FLG: variants seen among roughly 807,000 people sequenced by gnomAD.
The protein encoded by FLG is epidermal filaggrin.
Under a neutral mutation model 3.8 loss-of-function variants are expected in FLG, and 6 were observed. The ratio of observed to expected loss-of-function variants is 1.60; its 90% CI spans 0.87 to 3.15. The LOEUF is 3.15. Among genes scored for constraint, FLG ranks in the 30% most tolerant of loss-of-function variants. The probability of loss-of-function intolerance (pLI) is 0.00; values close to 1 mark genes in which losing one functional copy is unlikely to be tolerated. For synonymous variants in FLG, 2,551 were observed against 1,931.6 expected (o/e 1.32, Z -8.41); for missense variants, 7,595 against 5,050.9 (o/e 1.50, Z -15.27).
In FLG at chr1:152,308,368, G is replaced by C. The variant is rs774282260; in HGVS notation, c.6518C>G (p.Ser2173Cys). 21 of 1,613,648 alleles carry C rather than the reference G, an allele frequency of 1.3e-5. No individual in the cohort carries two copies. In the South Asian group the frequency reaches 2.1e-4, roughly 16 times the overall value. ...HSGSHHSHTT[S>C]QGRSDASRGQ... ...ACGGGAGGCATCAGACCTTCCCTGG[G>C]ATGTGGTGTGGCTGTGATGAGACCC... is the stretch of plus-strand genomic sequence containing the variant. The change falls in exon 3 of 3, where the codon TCC becomes TGC. Residue 2173 changes from serine to cysteine, a missense_variant. By Grantham distance (112) the Ser-to-Cys change is moderately radical. Coordinates refer to ENST00000368799, the MANE Select transcript of FLG (RefSeq NM_002016.2).
Position 152,305,161 on chromosome 1 carries a change from G to C in FLG, c.9725C>G (p.Ser3242Cys), listed in dbSNP as rs1301396969. 2 of 1,613,876 alleles carry C rather than the reference G, an allele frequency of 1.2e-6. No homozygotes were observed. Among genetic ancestry groups the C allele is most frequent in the Non-Finnish European group, 1.7e-6 (2 of 1,179,970 alleles). The part of the protein sequence containing the change: ...SGSASRNHRG[S>C]VQEQSRHGSR... The stretch of plus-strand genomic sequence containing the variant: ...GCCGTGCCTTGACTGCTCCTGAACA[G>C]ATCCACGATGGTTTCTGGAAGCAGA... The change falls in exon 3 of 3, where the codon TCT (serine) becomes TGT (cysteine). Residue 3242 changes from serine (S) to cysteine (C), a missense_variant. Coordinates refer to ENST00000368799, the MANE Select transcript of FLG (RefSeq NM_002016.2).
chr1:152,317,142 C>G (rs1407268393), intron 1 of FLG, among the ~76,000 whole-genome samples: 1 of 151,984 alleles, frequency 6.6e-6, no homozygotes, highest in Non-Finnish European at 1.5e-5. Flanking sequence ...TTGCAGTTGC[C>G]TACTTTCTCA....
In FLG at chr1:152,309,685, A is replaced by T. The variant is rs775249105; in HGVS notation, c.5201T>A (p.Val1734Glu). Reference sequence around the variant, plus strand: ...GGGCCCAGCCTGTCCGTGGGCTGACACTGACTGTGTGTCTGACTCTTCTGA... The same window carrying T: ...GGGCCCAGCCTGTCCGTGGGCTGACTCTGACTGTGTGTCTGACTCTTCTGA... Reference protein sequence around the residue: ...GHSEESDTQSVSAHGQAGPHQ... With the variant: ...GHSEESDTQSESAHGQAGPHQ... Residue 1734 changes from valine to glutamate, a missense_variant, in exon 3 of 3, where the codon GTG becomes GAG. Coordinates refer to ENST00000368799, the MANE Select transcript of FLG (RefSeq NM_002016.2). 6.2e-7 allele frequency: 1 copy of T among 1,613,484 alleles called. No homozygotes were observed. The highest frequency in any genetic ancestry group is 8.5e-7 in the Non-Finnish European group (1 of 1,179,860).
chr1:152,308,218 G>A lies in FLG; in HGVS notation c.6668C>T (p.Ser2223Leu). Residue 2223 changes from serine (S) to leucine (L), a missense_variant, in exon 3 of 3, where the codon TCA (serine) becomes TTA (leucine). Physicochemically the swap from Ser to Leu is moderately radical, Grantham distance 145. Transcript: ENST00000368799. ...TGATGATTGTCCCTGGCCCACCAGT[G>A]AGTGTCTAGAGCTGTCGGCCCAAGA... is the stretch of plus-strand genomic sequence containing the variant. The part of the protein sequence containing the change: ...ASSWADSSRH[S>L]LVGQGQSSGP... 1 of 1,614,048 alleles carries A rather than the reference G, an allele frequency of 6.2e-7. No homozygotes were observed. The highest frequency in any genetic ancestry group is 1.1e-5 in the South Asian group (1 of 91,076).
In FLG at chr1:152,308,865, G is replaced by T; in HGVS notation, c.6021C>A (p.Ser2007=). 6.2e-7 allele frequency: 1 copy of T among 1,614,138 alleles called. No homozygotes were observed. Among genetic ancestry groups the T allele is most frequent in the Non-Finnish European group, 8.5e-7 (1 of 1,180,010 alleles). Residue 2007 remains serine (S), a synonymous_variant, in exon 3 of 3, where the codon TCC becomes TCA. Coordinates refer to ENST00000368799, the MANE Select transcript of FLG (RefSeq NM_002016.2). ...TGTCTGCTGACTGGAGCTGGTGGTGGGATCCATGTCTTTCTCCTGCACTTG... is the reference window on the plus strand; with the variant it reads ...TGTCTGCTGACTGGAGCTGGTGGTGTGATCCATGTCTTTCTCCTGCACTTG... ...ARSSAGERHG[S]HHQLQSADSS...
chr1:152,304,209 A>G lies in FLG; in HGVS notation c.10677T>C (p.Ala3559=). The change falls in exon 3 of 3, where the codon GCT becomes GCC. Residue 3559 remains alanine, a synonymous_variant. Transcript: ENST00000368799. ...GAGCAGATCCACGATGGTTTCTGGAAGCAGACCCAGACCACCTCTCAGAGT... is the reference window on the plus strand; with the variant it reads ...GAGCAGATCCACGATGGTTTCTGGAGGCAGACCCAGACCACCTCTCAGAGT... ...SEDSERWSGS[A]SRNHRGSAQE... 1.2e-6 allele frequency: 2 copies of G among 1,611,858 alleles called. No homozygotes were observed. Among genetic ancestry groups the G allele is most frequent in the East Asian group, 2.2e-5 (1 of 44,510 alleles).
At position 152,305,825 on chromosome 1, in the gene FLG, C is replaced by T. The variant is rs1651921400; in HGVS notation, c.9061G>A (p.Gly3021Arg). 2 of 1,048,966 alleles carry T rather than the reference C, an allele frequency of 1.9e-6. No homozygotes were observed. Among genetic ancestry groups the T allele is most frequent in the Non-Finnish European group, 1.3e-6 (1 of 756,180 alleles). 65.0% of individuals were successfully genotyped at this position (1,048,966 alleles called of 1,614,324 possible). The change falls in exon 3 of 3, where the codon GGA becomes AGA. Residue 3021 changes from glycine to arginine, a missense_variant. Transcript: ENST00000368799. ...YSGSQASDNE[G>R]HSEDSDTQSV... ...TGTGTGTCTGAGTCTTCTGAATGTC[C>T]CTCATTGTCACTGGCCTGACTACCA... is the stretch of plus-strand genomic sequence containing the variant.
Position 152,310,352 on chromosome 1 carries a change from A to T in FLG, c.4534T>A (p.Ser1512Thr). The change falls in exon 3 of 3, where the codon TCT becomes ACT. Residue 1512 changes from serine to threonine, a missense_variant. Coordinates refer to ENST00000368799, the MANE Select transcript of FLG (RefSeq NM_002016.2). ...CTGTGATGGTACCCTGAGTGTCCAG[A>T]CCTATCTACTGATTGCTCGTGGTAG... ...GSYHEQSVDR[S>T]GHSGYHHSHT... 1 of 1,613,536 alleles carries T rather than the reference A, an allele frequency of 6.2e-7. No individual in the cohort carries two copies. Among genetic ancestry groups the T allele is most frequent in the Non-Finnish European group, 8.5e-7 (1 of 1,179,924 alleles).
Position 152,313,605 on chromosome 1 carries a change from T to G in FLG, c.1281A>C (p.Gly427=). The part of the protein sequence containing the change: ...SSGSQASDSE[G]HSENSDTQSV... ...ATTGTGTGTCTGAGTTTTCTGAATG[T>G]CCCTCACTGTCACTGGCCTGACTAC... Residue 427 remains glycine, a synonymous_variant, in exon 3 of 3, where the codon GGA becomes GGC. Coordinates refer to ENST00000368799, the MANE Select transcript of FLG (RefSeq NM_002016.2). The G allele has an allele frequency of 1.2e-6, 2 of 1,613,942 alleles. No individual in the cohort carries two copies. Among genetic ancestry groups the G allele is most frequent in the Non-Finnish European group, 8.5e-7 (1 of 1,180,008 alleles).
At position 152,308,696 on chromosome 1, in the gene FLG, T is replaced by G. The variant is rs74129455; in HGVS notation, c.6190A>C (p.Lys2064Gln). ...TGGCTCTGCTGATGGGGCCCAGCTTTTCCCTGTGCTGACACTGACTGTGTG... is the reference window on the plus strand; with the variant it reads ...TGGCTCTGCTGATGGGGCCCAGCTTGTCCCTGTGCTGACACTGACTGTGTG... Reference protein sequence around the residue: ...SDTQSVSAQGKAGPHQQSHKE... With the variant: ...SDTQSVSAQGQAGPHQQSHKE... Residue 2064 changes from lysine (K) to glutamine (Q), a missense_variant, in exon 3 of 3, where the codon AAA (lysine) becomes CAA (glutamine). Coordinates refer to ENST00000368799, the MANE Select transcript of FLG (RefSeq NM_002016.2). 0.019 allele frequency: 30,065 copies of G among 1,612,480 alleles called. No individual in the cohort carries two copies. The African/African-American group carries it at 0.33, about 18-fold the overall frequency.
In FLG at chr1:152,313,261, G is replaced by C. The variant is rs1652590423; in HGVS notation, c.1625C>G (p.Ser542Ter). Residue 542 changes from serine to a stop codon, truncating the protein, a stop_gained, in exon 3 of 3, where the codon TCA becomes TGA. Coordinates refer to ENST00000368799, the MANE Select transcript of FLG (RefSeq NM_002016.2). LOFTEE classifies it low-confidence loss of function (END_TRUNC). ...TGTGGTGTGGCTGTGATGGGAACCT[G>C]AGTGTCCAGACCTATTTACCGATTG... ...HEQSVNRSGHSGSHHSHTTSQ... is the reference protein window; with the variant it reads ...HEQSVNRSGH 6.2e-7 allele frequency: 1 copy of C among 1,613,776 alleles called. No individual in the cohort carries two copies. Among genetic ancestry groups the C allele is most frequent in the African/African-American group, 1.3e-5 (1 of 74,768 alleles).
In FLG at chr1:152,314,336, C is replaced by T; in HGVS notation, c.550G>A (p.Glu184Lys). The T allele has an allele frequency of 1.2e-6, 2 of 1,612,758 alleles. No homozygotes were observed. Among genetic ancestry groups the T allele is most frequent in the South Asian group, 2.2e-5 (2 of 90,950 alleles). The change falls in exon 3 of 3, where the codon GAG becomes AAG. Residue 184 changes from glutamate to lysine, a missense_variant. Transcript: ENST00000368799. The stretch of plus-strand genomic sequence containing the variant: ...CTAGTATTTTCAGTCTTGTTTTTCT[C>T]TTTTTTACTTGAGTTATGATGGTTT... The part of the protein sequence containing the change: ...GKNHHNSSKK[E>K]KNKTENTRLG...
In FLG at chr1:152,310,224, G is replaced by T. The variant is rs368803716; in HGVS notation, c.4662C>A (p.Ser1554=). The T allele has an allele frequency of 6.2e-7, 1 of 1,613,794 alleles. No homozygotes were observed. Among genetic ancestry groups the T allele is most frequent in the Admixed American group, 1.7e-5 (1 of 59,996 alleles). Reference sequence around the variant, plus strand: ...CATGGTGACGTGACCCTGAGTGCCTGGAGCCGTCTCCTGATTGTTCCTCAT... The same window carrying T: ...CATGGTGACGTGACCCTGAGTGCCTTGAGCCGTCTCCTGATTGTTCCTCAT... ...TRNEEQSGDG[S]RHSGSRHHEP... The change falls in exon 3 of 3, where the codon TCC becomes TCA. Residue 1554 remains serine, a synonymous_variant. Coordinates refer to ENST00000368799, the MANE Select transcript of FLG (RefSeq NM_002016.2).
In FLG at chr1:152,305,179, G is replaced by T. The variant is rs532804294; in HGVS notation, c.9707C>A (p.Ser3236Tyr). The change falls in exon 3 of 3, where the codon TCC (serine) becomes TAC (tyrosine). Residue 3236 changes from serine to tyrosine, a missense_variant. Physicochemically the swap from Ser to Tyr is moderately radical, Grantham distance 144. Transcript: ENST00000368799. ...CTGAACAGATCCACGATGGTTTCTG[G>T]AAGCAGACCCAGACCACCTCTCAGA... ...EDSERWSGSA[S>Y]RNHRGSVQEQ... is the part of the protein sequence containing the mutation. The T allele has an allele frequency of 1.2e-6, 2 of 1,613,724 alleles. No individual in the cohort carries two copies. The highest frequency in any genetic ancestry group is 1.7e-6 in the Non-Finnish European group (2 of 1,179,948).
chr1:152,305,093 C>G lies in FLG; in HGVS notation c.9793G>C (p.Gly3265Arg). The G allele has an allele frequency of 6.2e-7, 1 of 1,613,884 alleles. No individual in the cohort carries two copies. Residue 3265 changes from glycine (G) to arginine (R), a missense_variant, in exon 3 of 3, where the codon GGG (glycine) becomes CGG (arginine). Gly to Arg is a moderately radical substitution (Grantham distance 125). Coordinates refer to ENST00000368799, the MANE Select transcript of FLG (RefSeq NM_002016.2). Reference protein sequence around the residue: ...RSHHEDRAGHGHSADRSRQSG... With the variant: ...RSHHEDRAGHRHSADRSRQSG... ...TGTCTGGAGCGGTCTGCAGAGTGCC[C>G]GTGACCGGCTCTGTCTTCGTGATGG... is the stretch of plus-strand genomic sequence containing the variant.
intron 1 of FLG, among the ~76,000 whole-genome samples, chr1:152,324,409 T>A (rs1352103387): frequency 1.3e-5 from 2 of 151,944 alleles, no homozygotes; most frequent in Non-Finnish European, 2.9e-5. Flanking sequence ...TAAGGCACAC[T>A]AGCTTCTTTT....
At position 152,307,314 on chromosome 1, in the gene FLG, T is replaced by G; in HGVS notation, c.7572A>C (p.Gly2524=). The G allele has an allele frequency of 6.2e-7, 1 of 1,613,500 alleles. No individual in the cohort carries two copies. Among genetic ancestry groups the G allele is most frequent in the African/African-American group, 1.3e-5 (1 of 74,756 alleles). The change falls in exon 3 of 3, where the codon GGA becomes GGC. Residue 2524 remains glycine (G), a synonymous_variant. Coordinates refer to ENST00000368799, the MANE Select transcript of FLG (RefSeq NM_002016.2). The part of the protein sequence containing the change: ...SRQTRNDEQS[G]DGSRHSGSRH... ...GCGACCCTGAGTGCCTGGAGCCGTC[T>G]CCTGATTGTTCATCGTTACGAGTTT... is the stretch of plus-strand genomic sequence containing the variant.
At chr1:152,314,960 A>T (rs901213894) in intron 2 of FLG, 14 of 564,016 alleles carry the variant, frequency 2.5e-5, no homozygotes, top group Non-Finnish European at 4.3e-5. Flanking sequence ...TTGATGGGGT[A>T]AGTGACTCTT....
chr1:152,313,076 C>G lies in FLG; in HGVS notation c.1810G>C (p.Gly604Arg). ...CTGGGCCCCGATGATTGTCCCTGGC[C>G]CACCTGTGAGTGTCTAGAGCTGTCA... Reference protein sequence around the residue: ...QADSSRHSQVGQGQSSGPRTS... With the variant: ...QADSSRHSQVRQGQSSGPRTS... The change falls in exon 3 of 3, where the codon GGC becomes CGC. Residue 604 changes from glycine (G) to arginine (R), a missense_variant. Transcript: ENST00000368799. The G allele has an allele frequency of 6.2e-7, 1 of 1,613,922 alleles. No individual in the cohort carries two copies. Among genetic ancestry groups the G allele is most frequent in the South Asian group, 1.1e-5 (1 of 91,062 alleles).
Sources: allele counts gnomAD v4.1 joint callset (sites outside exome capture counted in the v4.1 genomes callset), GRCh38; gene constraint gnomAD v4.1.1; transcripts MANE v1.5; gene names NCBI Gene and HGNC (gene_info 2026-07-23, HGNC 2026-07-21).